The following XKR4 variants were observed in gnomAD, a reference collection of about 807,000 sequenced individuals.
XKR4 encodes the protein XK related 4.
In XKR4, 12 loss-of-function variants were observed where a neutral mutation model predicts 53.9. That is an observed-to-expected ratio of 0.22 (90% CI 0.14 to 0.36). XKR4 has a LOEUF of 0.36. XKR4 is among the 10% of genes least tolerant of loss of function. The probability of loss-of-function intolerance (pLI) is 1.00; values close to 1 mark genes in which losing one functional copy is unlikely to be tolerated. For synonymous variants in XKR4, 354 were observed against 362.4 expected, an observed-to-expected ratio of 0.98 and a Z score of 0.26; for missense variants, 799 against 859.5, an observed-to-expected ratio of 0.93 and a Z score of 0.88.
At chr8:55,414,009 T>C (rs994499334) in intron 2 of XKR4, among the ~76,000 whole-genome samples, 7 of 152,218 alleles carry the variant, frequency 4.6e-5, no homozygotes, top group South Asian at 2.1e-4. Flanking sequence ...AATCAAAATA[T>C]AGAGATTTGC....
chr8:55,507,184 C>T (rs949654195), intron 2 of XKR4, among the ~76,000 whole-genome samples: 1 of 152,146 alleles, frequency 6.6e-6, no homozygotes, highest in Non-Finnish European at 1.5e-5. Context: ...TTTTCAGTTC[C>T]TTGTATTGTA....
chr8:55,419,858 T>A (rs1804898294), intron 2 of XKR4, among the ~76,000 whole-genome samples: 1 of 152,230 alleles, frequency 6.6e-6, no homozygotes, highest in African/African-American at 2.4e-5. Context: ...TTGGAACTAT[T>A]ACTCTCTATT....
intron 2 of XKR4, among the ~76,000 whole-genome samples, chr8:55,466,232 C>T (rs1215342778): frequency 1.3e-5 from 2 of 152,094 alleles, no homozygotes; most frequent in Non-Finnish European, 2.9e-5. Context: ...GACTTTGAAC[C>T]AACCCAAATG....
At chr8:55,357,577 C>A in intron 1 of XKR4, 101 bp from the exon 2 acceptor site, 1 of 1,230,780 alleles carries the variant, frequency 8.1e-7, no homozygotes, top group Non-Finnish European at 1.2e-6. Flanking sequence ...GTTTCTTGTG[C>A]TTGCTTGCAT....
At chr8:55,161,085 C>T (rs1205758934) in intron 1 of XKR4, among the ~76,000 whole-genome samples, 2 of 152,270 alleles carry the variant, frequency 1.3e-5, no homozygotes, top group East Asian at 3.9e-4. Context: ...GTGGTTATCT[C>T]TTCCATTGAG....
At chr8:55,404,679 C>G (rs1467742052) in intron 2 of XKR4, among the ~76,000 whole-genome samples, 1 of 152,202 alleles carries the variant, frequency 6.6e-6, no homozygotes, top group Non-Finnish European at 1.5e-5. Flanking sequence ...TGAGCATGCC[C>G]TGTTTCTCAA....
intron 1 of XKR4, among the ~76,000 whole-genome samples, chr8:55,209,638 T>C (rs1283215128): frequency 2.0e-5 from 3 of 152,166 alleles, no homozygotes; most frequent in Admixed American, 6.5e-5. Flanking sequence ...GGAGGTCCCA[T>C]TGTGGTCCAT....
At chr8:55,420,443 A>G (rs537783280) in intron 2 of XKR4, among the ~76,000 whole-genome samples, 13 of 149,782 alleles carry the variant, frequency 8.7e-5, no homozygotes, top group Admixed American at 7.9e-4. Context: ...ACACCATGGA[A>G]TACTATGCAG....
chr8:55,269,464 T>G (rs991321057), intron 1 of XKR4, among the ~76,000 whole-genome samples: 2 of 152,182 alleles, frequency 1.3e-5, no homozygotes, highest in African/African-American at 4.8e-5. Context: ...AGACTTCAAT[T>G]TTTGGTTCCA....
chr8:55,505,787 G>A (rs78073963), intron 2 of XKR4, among the ~76,000 whole-genome samples: 2 of 152,154 alleles, frequency 1.3e-5, no homozygotes, highest in African/African-American at 4.8e-5. Flanking sequence ...TGTATTTTCT[G>A]CTGAAGTCCT....
intron 2 of XKR4, among the ~76,000 whole-genome samples, chr8:55,474,138 T>C (rs540482036): frequency 6.6e-6 from 1 of 152,230 alleles, no homozygotes; most frequent in East Asian, 1.9e-4. Flanking sequence ...CTTGAACTCC[T>C]GGCTCAAGGG....
intron 1 of XKR4, among the ~76,000 whole-genome samples, chr8:55,247,855 CTTTTTTTT>C (rs1166258777): frequency 1.7e-5 from 1 of 59,854 alleles, no homozygotes; most frequent in African/African-American, 4.5e-5. Context: ...TTCTTTCTTT[CTTTTTTTT>C]TTTTTTTTTT....
chr8:55,448,292 T>C (rs1384771496), intron 2 of XKR4, among the ~76,000 whole-genome samples: 2 of 152,230 alleles, frequency 1.3e-5, no homozygotes, highest in Non-Finnish European at 2.9e-5. Flanking sequence ...CACCTGGACT[T>C]CTAGCCAGAG....
chr8:55,428,085 T>C (rs533745233), intron 2 of XKR4, among the ~76,000 whole-genome samples: 2 of 152,344 alleles, frequency 1.3e-5, no homozygotes, highest in South Asian at 4.1e-4. Context: ...TTATGTGCTT[T>C]AAAAATATTT....
intron 2 of XKR4, among the ~76,000 whole-genome samples, chr8:55,478,987 T>C (rs1370707435): frequency 1.3e-5 from 2 of 152,166 alleles, no homozygotes; most frequent in South Asian, 2.1e-4. Flanking sequence ...ATTAGACAGA[T>C]CAACTAAACA....
At position 55,318,258 on chromosome 8, in the gene XKR4, C is replaced by G. The variant is rs60119716; in HGVS notation, c.807-39420C>G. Reference sequence around the variant, plus strand: ...TTATAAAAATCATGACAAATAGGTACTATAAGAGCAGATAATCCTGAGGGA... The same window carrying G: ...TTATAAAAATCATGACAAATAGGTAGTATAAGAGCAGATAATCCTGAGGGA... On this transcript the variant is annotated intron_variant, in intron 1 of 2. Coordinates refer to ENST00000327381, the MANE Select transcript of XKR4 (RefSeq NM_052898.2). Among the ~76,000 whole-genome samples the G allele has an allele frequency of 4.8e-3, 725 of 152,196 alleles. 6 individuals are homozygous for G. Among genetic ancestry groups the G allele is most frequent in the African/African-American group, 0.016 (660 of 41,522 alleles).
rs1009560646 is a variant in XKR4 at position 55,479,799 on chromosome 8, A to G, written c.1007-43482A>G. On this transcript the variant is annotated intron_variant, in intron 2 of 2. Coordinates refer to ENST00000327381, the MANE Select transcript of XKR4 (RefSeq NM_052898.2). The stretch of plus-strand genomic sequence containing the variant: ...TACACAAATAAACTAGAAAATCTGG[A>G]AGAAATGGATAAATTCCTCAACAAA... 2.0e-5 allele frequency among the ~76,000 whole-genome samples: 3 copies of G among 152,336 alleles called. No homozygotes were observed. The East Asian group carries it at 5.8e-4, about 29-fold the overall frequency.
chr8:55,496,967 A>G (rs1563366613), intron 2 of XKR4, among the ~76,000 whole-genome samples: 1 of 152,222 alleles, frequency 6.6e-6, no homozygotes, highest in South Asian at 2.1e-4. Flanking sequence ...GATCTCCACC[A>G]GAAAAATGAA....
intron 2 of XKR4, among the ~76,000 whole-genome samples, chr8:55,433,222 T>C (rs1417392591): frequency 1.3e-5 from 2 of 152,238 alleles, no homozygotes; most frequent in Admixed American, 1.3e-4. Flanking sequence ...AATTGGTTTA[T>C]AATTTCTTAA....
Sources: allele counts gnomAD v4.1 joint callset (sites outside exome capture counted in the v4.1 genomes callset), GRCh38; gene constraint gnomAD v4.1.1; transcripts MANE v1.5; gene names NCBI Gene and HGNC (gene_info 2026-07-23, HGNC 2026-07-21).